The following HS3ST4 variants were observed in gnomAD, a reference collection of about 807,000 sequenced individuals.
HS3ST4 encodes the protein heparan sulfate glucosamine 3-O-sulfotransferase 4.
In HS3ST4, 17 loss-of-function variants were observed where a neutral mutation model predicts 29.2. That is an observed-to-expected ratio of 0.58 (90% CI 0.40 to 0.87). HS3ST4 has a LOEUF of 0.87. Among genes scored for constraint, HS3ST4 ranks in the 40% least tolerant of loss-of-function variants. The probability of loss-of-function intolerance (pLI) is 0.00; values close to 1 mark genes in which losing one functional copy is unlikely to be tolerated. For missense variants in HS3ST4, 627 were observed against 634.5 expected, an observed-to-expected ratio of 0.99 and a Z score of 0.13; for synonymous variants, 314 against 285.7, an observed-to-expected ratio of 1.10 and a Z score of -1.00.
chr16:25,765,240 G>A (rs146584838), intron 1 of HS3ST4, among the ~76,000 whole-genome samples: 32 of 152,272 alleles, frequency 2.1e-4, no homozygotes, highest in African/African-American at 6.7e-4. Flanking sequence ...ACGAATTCTG[G>A]CATGAAATTC....
chr16:25,939,221 T>C (rs1333475165), intron 1 of HS3ST4, among the ~76,000 whole-genome samples: 5 of 152,072 alleles, frequency 3.3e-5, no homozygotes, highest in Non-Finnish European at 7.4e-5. Context: ...AGACCCAAAG[T>C]AACCAGATCT....
chr16:25,839,618 T>C (rs1316048289), intron 1 of HS3ST4, among the ~76,000 whole-genome samples: 1 of 152,198 alleles, frequency 6.6e-6, no homozygotes. Flanking sequence ...TTCCTGACAA[T>C]AGGGCTTTGT....
chr16:25,916,037 G>A (rs368941244), intron 1 of HS3ST4, among the ~76,000 whole-genome samples: 69 of 152,312 alleles, frequency 4.5e-4, no homozygotes, highest in African/African-American at 1.7e-3. Flanking sequence ...ACTTGCTTCA[G>A]ACATGGAGGA....
At chr16:25,777,905 A>G (rs1966849096) in intron 1 of HS3ST4, among the ~76,000 whole-genome samples, 1 of 152,214 alleles carries the variant, frequency 6.6e-6, no homozygotes, top group Non-Finnish European at 1.5e-5. Flanking sequence ...AATGAAGCAC[A>G]CCATGTATAG....
intron 1 of HS3ST4, among the ~76,000 whole-genome samples, chr16:26,011,710 G>C (rs56251729): frequency 9.1e-6 from 1 of 110,472 alleles, no homozygotes; most frequent in African/African-American, 4.0e-5. Flanking sequence ...GTGTGAGAGA[G>C]AGACAGAGAG....
At chr16:25,833,193 T>TG (rs1967322950) in intron 1 of HS3ST4, among the ~76,000 whole-genome samples, 1 of 152,236 alleles carries the variant, frequency 6.6e-6, no homozygotes, top group African/African-American at 2.4e-5. Context: ...TCAGCTGAAT[T>TG]GATAGAAACC....
At chr16:26,025,535 G>A (rs1969461040) in intron 1 of HS3ST4, among the ~76,000 whole-genome samples, 1 of 152,120 alleles carries the variant, frequency 6.6e-6, no homozygotes, top group South Asian at 2.1e-4. Flanking sequence ...CAGAAGAACT[G>A]GAACGCTGCC....
At chr16:26,051,596 GTC>G (rs1898346782) in intron 1 of HS3ST4, among the ~76,000 whole-genome samples, 2 of 152,032 alleles carry the variant, frequency 1.3e-5, no homozygotes, top group Admixed American at 6.6e-5. Flanking sequence ...GAGAGCTCTG[GTC>G]TCTCTGGCCA....
chr16:26,101,423 C>A (rs533651411), intron 1 of HS3ST4, among the ~76,000 whole-genome samples: 29 of 152,198 alleles, frequency 1.9e-4, no homozygotes, highest in Non-Finnish European at 3.7e-4. Flanking sequence ...TGGTCTATAC[C>A]ACCACATTCC....
At chr16:25,939,247 A>C (rs1325518075) in intron 1 of HS3ST4, among the ~76,000 whole-genome samples, 2 of 151,926 alleles carry the variant, frequency 1.3e-5, no homozygotes, top group African/African-American at 4.8e-5. Flanking sequence ...GTTTTTAAGG[A>C]AAGTTTTGAG....
intron 1 of HS3ST4, among the ~76,000 whole-genome samples, chr16:25,862,500 G>A (rs9924329): frequency 0.011 from 1,665 of 152,224 alleles, 23 homozygotes; most frequent in African/African-American, 0.038. Context: ...GCCTTCCTAT[G>A]AGAATGTAAT....
intron 1 of HS3ST4, among the ~76,000 whole-genome samples, chr16:25,986,396 A>G (rs771100971): frequency 6.6e-6 from 1 of 152,198 alleles, no homozygotes; most frequent in African/African-American, 2.4e-5. Flanking sequence ...AAGACTGAGA[A>G]TCAGGGGAGT....
chr16:25,986,677 G>A (rs552872098), intron 1 of HS3ST4, among the ~76,000 whole-genome samples: 1 of 152,332 alleles, frequency 6.6e-6, no homozygotes, highest in Non-Finnish European at 1.5e-5. Flanking sequence ...ATTAGCCGAG[G>A]CCATTTGGCA....
chr16:25,734,817 ATGG>A (rs1381348837), intron 1 of HS3ST4, among the ~76,000 whole-genome samples: 1 of 152,186 alleles, frequency 6.6e-6, no homozygotes, highest in Non-Finnish European at 1.5e-5. Flanking sequence ...GAGTCACCTG[ATGG>A]TGGGGATTTC....
At chr16:25,874,305 A>G (rs1210267430) in intron 1 of HS3ST4, among the ~76,000 whole-genome samples, 1 of 152,138 alleles carries the variant, frequency 6.6e-6, no homozygotes, top group Non-Finnish European at 1.5e-5. Context: ...GTGTGAGTAG[A>G]GTAGCTGGGG....
chr16:26,101,187 A>G (rs529521232), intron 1 of HS3ST4, among the ~76,000 whole-genome samples: 1 of 151,124 alleles, frequency 6.6e-6, no homozygotes, highest in Non-Finnish European at 1.5e-5. Context: ...TCTGCTCTCA[A>G]CCCTACTCCT....
chr16:25,781,681 G>A (rs954460545), intron 1 of HS3ST4, among the ~76,000 whole-genome samples: 2 of 152,204 alleles, frequency 1.3e-5, no homozygotes, highest in African/African-American at 4.8e-5. Context: ...CAGCTGGTAT[G>A]TGATAAAGTT....
intron 1 of HS3ST4, among the ~76,000 whole-genome samples, chr16:25,943,150 G>A (rs9937695): frequency 0.59 from 89,749 of 151,942 alleles, 27,049 homozygotes; most frequent in African/African-American, 0.64. Context: ...TTTCTCACCA[G>A]CCACATTTTA....
chr16:26,020,136 C>A (rs756048920), intron 1 of HS3ST4, among the ~76,000 whole-genome samples: 17 of 152,180 alleles, frequency 1.1e-4, no homozygotes, highest in Non-Finnish European at 2.4e-4. Flanking sequence ...GCATGCAGAG[C>A]TTCTGGAAAA....
Sources: allele counts gnomAD v4.1 joint callset (sites outside exome capture counted in the v4.1 genomes callset), GRCh38; gene constraint gnomAD v4.1.1; transcripts MANE v1.5; gene names NCBI Gene and HGNC (gene_info 2026-07-23, HGNC 2026-07-21).